SYT11: variants seen among roughly 807,000 people sequenced by gnomAD.
The protein encoded by SYT11 is synaptotagmin 11.
A neutral mutation model predicts 30.4 loss-of-function variants in SYT11; 12 were observed. The ratio of observed to expected loss-of-function variants is 0.39; its 90% confidence interval spans 0.25 to 0.64. The LOEUF (loss-of-function observed/expected upper bound fraction) is 0.64. Among genes scored for constraint, SYT11 ranks in the 30% least tolerant of loss-of-function variants. The pLI, the probability that SYT11 is intolerant of heterozygous loss-of-function variation, is 0.45. For missense variants in SYT11, 412 were observed against 552.0 expected (o/e 0.75, Z 2.54); for synonymous variants, 204 against 216.0 (o/e 0.94, Z 0.49).
intron 2 of SYT11, among the ~76,000 whole-genome samples, chr1:155,873,102 G>A (rs758563897): frequency 7.9e-5 from 12 of 152,102 alleles, no homozygotes; most frequent in Admixed American, 2.6e-4. Flanking sequence ...CTTGTCATTC[G>A]TGTTATTCTT....
At chr1:155,874,120 G>T (rs537082375) in intron 2 of SYT11, among the ~76,000 whole-genome samples, 7 of 152,174 alleles carry the variant, frequency 4.6e-5, no homozygotes, top group African/African-American at 1.4e-4. Context: ...GGCCAACGTG[G>T]CGGAAACCCC....
chr1:155,872,999 A>G (rs577789915), intron 2 of SYT11, among the ~76,000 whole-genome samples: 1 of 152,208 alleles, frequency 6.6e-6, no homozygotes, highest in Admixed American at 6.5e-5. Context: ...ACTAGGAAAG[A>G]GGCATGGGGA....
chr1:155,876,301 AGT>A lies in SYT11; in HGVS notation c.862-4197_862-4196del, dbSNP rs1015410475. On this transcript the variant is annotated intron_variant, in intron 2 of 3. Transcript: ENST00000368324. ...CGCTCCGTCTCCCAGGCTGGAGTGC[AGT>A]GGCGCGATCTCGGCTCAATGCAAGC... Among the ~76,000 whole-genome samples, 12 of 123,346 alleles carry A rather than the reference AGT, an allele frequency of 9.7e-5. No homozygotes were observed. In the East Asian group the frequency reaches 2.3e-3, roughly 24 times the overall value. The allele number at this position is 123,346 out of a possible 152,430, so 80.9% of individuals were successfully genotyped here.
chr1:155,880,011 C>A (rs139040690), intron 2 of SYT11, among the ~76,000 whole-genome samples: 1 of 152,190 alleles, frequency 6.6e-6, no homozygotes, highest in African/African-American at 2.4e-5. Flanking sequence ...CTGGGCTACA[C>A]AGTGAGACTC....
In SYT11 at chr1:155,882,188, G is replaced by C. The variant is rs1435712950; in HGVS notation, c.*680G>C. 6.6e-6 allele frequency: 1 copy of C among 152,186 alleles called. No homozygotes were observed. Among genetic ancestry groups the C allele is most frequent in the East Asian group, 1.9e-4 (1 of 5,338 alleles). 9.4% of individuals were successfully genotyped at this position (152,186 alleles called of 1,614,324 possible). ...ATCAAGTTGCAGATTTTAATCCATG[G>C]AAATTGTGTTTTGTGCTGAATTGTA... On this transcript the variant is annotated 3_prime_UTR_variant, in exon 4 of 4. Transcript: ENST00000368324.
intron 2 of SYT11, among the ~76,000 whole-genome samples, chr1:155,871,700 A>G (rs1014483968): frequency 6.6e-6 from 1 of 152,186 alleles, no homozygotes; most frequent in African/African-American, 2.4e-5. Flanking sequence ...TGAGCAACAC[A>G]TGCCCTGGAG....
At chr1:155,862,638 C>G (rs527570118) in intron 1 of SYT11, among the ~76,000 whole-genome samples, 1 of 152,168 alleles carries the variant, frequency 6.6e-6, no homozygotes, top group Non-Finnish European at 1.5e-5. Context: ...GGTTGCCCCC[C>G]GCTCCTCCAC....
chr1:155,869,521 C>G (rs940359006), intron 2 of SYT11, among the ~76,000 whole-genome samples: 2 of 152,052 alleles, frequency 1.3e-5, no homozygotes, highest in African/African-American at 4.8e-5. Flanking sequence ...ATCCACCTGC[C>G]TCGGACTCCA....
At position 155,881,457 on chromosome 1, in the gene SYT11, C is replaced by T. The variant is rs148029311; in HGVS notation, c.1245C>T (p.Cys415=). The T allele has an allele frequency of 1.5e-5, 25 of 1,612,922 alleles. No individual in the cohort carries two copies. The highest frequency in any genetic ancestry group is 1.9e-5 in the Non-Finnish European group (22 of 1,179,196). The change falls in exon 4 of 4, where the codon TGC becomes TGT. Residue 415 remains cysteine, a synonymous_variant. Transcript: ENST00000368324. ...ASGAEHWREV[C]ESPRKPVAKW... is the part of the protein sequence containing the mutation. ...GTGCTGAACACTGGAGAGAGGTCTG[C>T]GAGAGCCCCCGCAAGCCTGTGGCCA... is the stretch of plus-strand genomic sequence containing the variant.
At position 155,859,679 on chromosome 1, in the gene SYT11, G is replaced by T; in HGVS notation, c.-83G>T. 1 of 1,369,910 alleles carries T rather than the reference G, an allele frequency of 7.3e-7. No individual in the cohort carries two copies. 84.9% of individuals were successfully genotyped at this position (1,369,910 alleles called of 1,614,324 possible). ...CCCTTCCCTGACCTAGAGCTCTACA[G>T]CTGCTGCCTCGGTACTGACCGAGGG... On this transcript the variant is annotated 5_prime_UTR_variant, in exon 1 of 4. Coordinates refer to ENST00000368324, the MANE Select transcript of SYT11 (RefSeq NM_152280.5).
chr1:155,874,130 C>G (rs1430927729), intron 2 of SYT11, among the ~76,000 whole-genome samples: 1 of 151,660 alleles, frequency 6.6e-6, no homozygotes, highest in Non-Finnish European at 1.5e-5. Context: ...GCGGAAACCC[C>G]AGACATGGTG....
At chr1:155,876,307 G>A (rs187873559) in intron 2 of SYT11, among the ~76,000 whole-genome samples, 46 of 138,362 alleles carry the variant, frequency 3.3e-4, no homozygotes, top group African/African-American at 9.8e-4. Context: ...GTGCAGTGGC[G>A]CGATCTCGGC....
intron 1 of SYT11, among the ~76,000 whole-genome samples, chr1:155,865,014 A>G (rs1402448278): frequency 6.6e-6 from 1 of 152,046 alleles, no homozygotes; most frequent in East Asian, 1.9e-4. Context: ...CCAGGCCTCA[A>G]TCCTCTCTTT....
At chr1:155,878,815 C>T (rs1206339185) in intron 2 of SYT11, among the ~76,000 whole-genome samples, 3 of 151,752 alleles carry the variant, frequency 2.0e-5, no homozygotes, top group East Asian at 1.9e-4. Flanking sequence ...TGCAGTGAGC[C>T]GAGGTCTCGC....
chr1:155,880,710 A>G lies in SYT11; in HGVS notation c.985+87A>G, dbSNP rs567866256. The stretch of plus-strand genomic sequence containing the variant: ...CCCAGATAGACCTCCACACTTCAAG[A>G]TCCTTGCCTCTTTCACTTTTAATCT... On this transcript the variant is annotated intron_variant, in intron 3 of 3. Coordinates refer to ENST00000368324, the MANE Select transcript of SYT11 (RefSeq NM_152280.5). 2.5e-4 allele frequency: 377 copies of G among 1,500,420 alleles called. 3 individuals carry two copies. The South Asian group carries it at 4.4e-3, about 17-fold the overall frequency. The allele number at this position is 1,500,420 out of a possible 1,614,324, so 92.9% of individuals were successfully genotyped here.
At chr1:155,862,493 T>C (rs1265473943) in intron 1 of SYT11, among the ~76,000 whole-genome samples, 1 of 152,222 alleles carries the variant, frequency 6.6e-6, no homozygotes, top group Non-Finnish European at 1.5e-5. Flanking sequence ...AATTCAAAGA[T>C]GCGTTCATCT....
chr1:155,883,976 C>T lies in SYT11; in HGVS notation c.*2468C>T, dbSNP rs1211250010. ...TGGGGTCATACCACTAGTCTCTGTC[C>T]TATACCCCATGAAATGTAAATACTG... On this transcript the variant is annotated 3_prime_UTR_variant, in exon 4 of 4. Transcript: ENST00000368324. 4 of 152,344 alleles carry T rather than the reference C, an allele frequency of 2.6e-5. No individual in the cohort carries two copies. The highest frequency in any genetic ancestry group is 5.9e-5 in the Non-Finnish European group (4 of 68,028). 9.4% of individuals were successfully genotyped at this position (152,344 alleles called of 1,614,324 possible).
intron 2 of SYT11, among the ~76,000 whole-genome samples, chr1:155,875,551 G>GC (rs1672846940): frequency 6.6e-6 from 1 of 151,906 alleles, no homozygotes; most frequent in Non-Finnish European, 1.5e-5. Flanking sequence ...TTACAGGTGT[G>GC]CACCATCATG....
intron 1 of SYT11, among the ~76,000 whole-genome samples, chr1:155,867,582 T>C (rs1352674019): frequency 6.6e-6 from 1 of 152,124 alleles, no homozygotes; most frequent in African/African-American, 2.4e-5. Flanking sequence ...ACATCTTGTG[T>C]AACAGTTGAA....
Sources: gnomAD v4.1 joint callset for allele counts (sites outside exome capture counted in the v4.1 genomes callset) on GRCh38, gnomAD v4.1.1 for gene constraint, MANE v1.5 for transcripts, NCBI Gene and HGNC (gene_info 2026-07-23, HGNC 2026-07-21) for gene names.